The following LRP2 variants were observed in gnomAD, a reference collection of about 807,000 sequenced individuals.
LRP2 encodes the protein LDL receptor related protein 2.
In LRP2, 172 loss-of-function variants were observed where a neutral mutation model predicts 531.0. That is an observed-to-expected ratio of 0.32 (90% CI 0.29 to 0.37). LRP2 has a LOEUF of 0.37. Among genes scored for constraint, LRP2 ranks in the 10% least tolerant of loss-of-function variants. The pLI, the probability that LRP2 is intolerant of heterozygous loss-of-function variation, is 1.00. For missense variants in LRP2, 5,167 were observed against 5,868.3 expected, an observed-to-expected ratio of 0.88 and a Z score of 3.90; for synonymous variants, 1,992 against 2,027.6, an observed-to-expected ratio of 0.98 and a Z score of 0.47.
Position 169,265,603 on chromosome 2 carries a change from G to A in LRP2, c.2320+5301C>T, listed in dbSNP as rs181063167. On this transcript the variant is annotated intron_variant, in intron 16 of 78. Transcript: ENST00000649046. ...CTGGACTCAACACTAGATATTAGAC[G>A]TCACTAGAGCAATGTCTTCAAATTC... is the stretch of plus-strand genomic sequence containing the variant. 1.6e-4 allele frequency among the ~76,000 whole-genome samples: 24 copies of A among 152,020 alleles called. No individual in the cohort carries two copies. The East Asian group carries it at 1.9e-3, about 12-fold the overall frequency.
chr2:169,213,841 A>G lies in LRP2; in HGVS notation c.5856T>C (p.Asp1952=). 6.2e-7 allele frequency: 1 copy of G among 1,613,618 alleles called. No individual in the cohort carries two copies. Among genetic ancestry groups the G allele is most frequent in the Non-Finnish European group, 8.5e-7 (1 of 1,179,666 alleles). Reference sequence around the variant, plus strand: ...AAAGCTGGTGTACCAGGATCATTCGATCTGTTCCATCCACGTTTCCTCTTT... The same window carrying G: ...AAAGCTGGTGTACCAGGATCATTCGGTCTGTTCCATCCACGTTTCCTCTTT... The part of the protein sequence containing the change: ...VIERGNVDGT[D]RMILVHQLSH... The change falls in exon 36 of 79, where the codon GAT becomes GAC. Residue 1952 remains aspartate (D), a synonymous_variant. Coordinates refer to ENST00000649046, the MANE Select transcript of LRP2 (RefSeq NM_004525.3).
chr2:169,255,740 ATAAACAGCTCTTGCTGTTT>A, intron 19 of LRP2, among the ~76,000 whole-genome samples: 1 of 152,334 alleles, frequency 6.6e-6, no homozygotes, highest in African/African-American at 2.4e-5. Context: ...AATGATTACT[ATAAACAGCTCTTGCTGTTT>A]TATTCTTGAA....
At chr2:169,239,857 T>TAA in intron 25 of LRP2, 82 bp from the exon 26 acceptor site, 2 of 1,184,170 alleles carry the variant, frequency 1.7e-6, no homozygotes, top group Non-Finnish European at 2.5e-6. Context: ...ATATTTATTA[T>TAA]GCAGTCTCAT....
intron 63 of LRP2, among the ~76,000 whole-genome samples, chr2:169,158,428 T>C (rs1169054520): frequency 6.6e-6 from 1 of 152,066 alleles, no homozygotes; most frequent in Non-Finnish European, 1.5e-5. Flanking sequence ...ACTAAGACAT[T>C]AATGATGCAC....
intron 3 of LRP2, among the ~76,000 whole-genome samples, chr2:169,307,949 A>G (rs1250704470): frequency 6.6e-6 from 1 of 152,212 alleles, no homozygotes; most frequent in Non-Finnish European, 1.5e-5. Context: ...AGGTGAAAGC[A>G]GGGCATCAGC....
In LRP2 at chr2:169,325,430, C is replaced by A. The variant is rs538139063; in HGVS notation, c.80-4546G>T. 2.6e-5 allele frequency among the ~76,000 whole-genome samples: 4 copies of A among 152,308 alleles called. No homozygotes were observed. The East Asian group carries it at 7.7e-4, about 29-fold the overall frequency. On this transcript the variant is annotated intron_variant, in intron 1 of 78. Transcript: ENST00000649046. The stretch of plus-strand genomic sequence containing the variant: ...CTTAACTTATCCATAATTTTTGCTT[C>A]ACTTTTTCTATACTTAATTTTGATT...
chr2:169,336,371 G>C (rs1685403919), intron 1 of LRP2, among the ~76,000 whole-genome samples: 1 of 151,390 alleles, frequency 6.6e-6, no homozygotes, highest in Non-Finnish European at 1.5e-5. Context: ...AACCCCATCT[G>C]TACTGAAAAT....
chr2:169,269,857 C>T (rs1391607566), intron 16 of LRP2, among the ~76,000 whole-genome samples: 1 of 152,194 alleles, frequency 6.6e-6, no homozygotes, highest in Non-Finnish European at 1.5e-5. Context: ...ATCTACCCAT[C>T]TTACAAAGGG....
At chr2:169,244,384 T>C (rs1689924565) in intron 22 of LRP2, among the ~76,000 whole-genome samples, 1 of 152,236 alleles carries the variant, frequency 6.6e-6, no homozygotes, top group Non-Finnish European at 1.5e-5. Flanking sequence ...TTGTTTTAAA[T>C]ATATAAATAG....
chr2:169,314,641 G>A (rs1272276455), intron 3 of LRP2, among the ~76,000 whole-genome samples: 1 of 152,078 alleles, frequency 6.6e-6, no homozygotes, highest in East Asian at 1.9e-4. Flanking sequence ...TTCTGGAACA[G>A]CAAACAAAAT....
At chr2:169,173,015 C>CTCCCG in intron 57 of LRP2, 81 bp downstream of exon 57, 1 of 1,399,860 alleles carries the variant, frequency 7.1e-7, no homozygotes, top group Non-Finnish European at 1.0e-6. Context: ...GGGAAATACA[C>CTCCCG]TCTCATCTCT....
At chr2:169,189,102 C>A (rs1449146435) in intron 48 of LRP2, among the ~76,000 whole-genome samples, 1 of 152,118 alleles carries the variant, frequency 6.6e-6, no homozygotes, top group Admixed American at 6.5e-5. Flanking sequence ...ACTCCAAGAT[C>A]CCATAAAAGT....
At chr2:169,235,741 A>G (rs1689581332) in intron 29 of LRP2, 99 bp downstream of exon 29, 3 of 908,260 alleles carry the variant, frequency 3.3e-6, no homozygotes, top group Admixed American at 1.9e-5. Context: ...GACAATGTCT[A>G]TGACACAAAA....
intron 21 of LRP2, among the ~76,000 whole-genome samples, chr2:169,245,473 A>G (rs371064619): frequency 2.6e-5 from 4 of 152,250 alleles, no homozygotes; most frequent in African/African-American, 9.6e-5. Context: ...AAAAAATTTC[A>G]GAAAAATGTA....
intron 52 of LRP2, among the ~76,000 whole-genome samples, chr2:169,180,026 T>G (rs1687370294): frequency 6.6e-6 from 1 of 152,170 alleles, no homozygotes. Flanking sequence ...TTAGATTTTA[T>G]CAAAAAGTGA....
intron 6 of LRP2, 141 bp from the exon 7 acceptor site, chr2:169,292,510 T>G: frequency 1.5e-6 from 1 of 667,244 alleles, no homozygotes. Context: ...TTGACAAAAA[T>G]TTTTAAAAAG....
rs574561710 is a variant in LRP2 at position 169,156,193 on chromosome 2, G to A, written c.12151+81C>T. The A allele has an allele frequency of 2.4e-5, 37 of 1,564,892 alleles. No individual in the cohort carries two copies. In the East Asian group the frequency reaches 8.1e-4, roughly 34 times the overall value. ...AAGAAAAGAAAAACTATGAGAAGCT[G>A]AAGTTTCTTTCATCGTATAGTGTAC... On this transcript the variant is annotated intron_variant, in intron 65 of 78. Transcript: ENST00000649046.
intron 46 of LRP2, 125 bp from the exon 47 acceptor site, chr2:169,194,017 T>C: frequency 1.0e-6 from 1 of 1,004,232 alleles, no homozygotes; most frequent in Non-Finnish European, 1.5e-6. Flanking sequence ...ATTATATACA[T>C]CTAGGGTAGT....
At chr2:169,232,430 C>T (rs1457014070) in intron 30 of LRP2, among the ~76,000 whole-genome samples, 1 of 141,530 alleles carries the variant, frequency 7.1e-6, no homozygotes, top group Non-Finnish European at 1.6e-5. Context: ...ATTATTAATC[C>T]ATTCATTCAC....
Sources: allele counts gnomAD v4.1 joint callset (sites outside exome capture counted in the v4.1 genomes callset), GRCh38; gene constraint gnomAD v4.1.1; transcripts MANE v1.5; gene names NCBI Gene and HGNC (gene_info 2026-07-23, HGNC 2026-07-21).